PPP2CA: variants seen among roughly 807,000 people sequenced by gnomAD.
PPP2CA encodes the protein serine/threonine-protein phosphatase 2A catalytic subunit alpha isoform.
PPP2CA carries 5 observed loss-of-function variants against 38.8 expected under a neutral mutation model. The observed-to-expected ratio is 0.13, with a 90% CI of 0.07 to 0.27. The LOEUF is 0.27. PPP2CA is among the 10% of genes least tolerant of loss of function. The probability of loss-of-function intolerance (pLI) is 1.00; values close to 1 mark genes in which losing one functional copy is unlikely to be tolerated. For synonymous variants in PPP2CA, 152 were observed against 134.0 expected, an observed-to-expected ratio of 1.13 and a Z score of -0.93; for missense variants, 88 against 389.7, an observed-to-expected ratio of 0.23 and a Z score of 6.52.
At chr5:134,211,038 G>A (rs976900086) in intron 1 of PPP2CA, among the ~76,000 whole-genome samples, 2 of 151,984 alleles carry the variant, frequency 1.3e-5, no homozygotes, top group African/African-American at 4.8e-5. Context: ...TACTGTCCTA[G>A]AATCCAAAAA....
intron 1 of PPP2CA, among the ~76,000 whole-genome samples, chr5:134,223,366 A>G (rs1762488569): frequency 6.6e-6 from 1 of 152,234 alleles, no homozygotes; most frequent in South Asian, 2.1e-4. Context: ...ACATCAGTTC[A>G]TGGATTCTAC....
At chr5:134,206,207 T>A in intron 1 of PPP2CA, 76 bp from the exon 2 acceptor site, 1 of 1,274,214 alleles carries the variant, frequency 7.8e-7, no homozygotes, top group Non-Finnish European at 1.1e-6. Context: ...TACTTACACT[T>A]AATGTAGCTT....
chr5:134,206,176 C>T (rs780786155), intron 1 of PPP2CA, 45 bp from the exon 2 acceptor site: 6 of 1,499,624 alleles, frequency 4.0e-6, no homozygotes, highest in African/African-American at 2.8e-5. Flanking sequence ...TGGCATTAAA[C>T]AATATTAACA....
intron 1 of PPP2CA, among the ~76,000 whole-genome samples, chr5:134,221,888 A>AGTTCC (rs977762209): frequency 1.3e-5 from 2 of 151,460 alleles, no homozygotes; most frequent in Non-Finnish European, 2.9e-5. Flanking sequence ...GAACTGCTTG[A>AGTTCC]ACCTGGGAGG....
intron 1 of PPP2CA, among the ~76,000 whole-genome samples, chr5:134,212,593 T>A (rs1438537787): frequency 6.6e-6 from 1 of 151,426 alleles, no homozygotes; most frequent in Non-Finnish European, 1.5e-5. Context: ...AAAGGAAGAG[T>A]TGCATATCTC....
rs541849090 is a variant in PPP2CA at position 134,194,520 on chromosome 5, C to T, written c.*3252G>A. The T allele has an allele frequency of 6.6e-6, 1 of 152,402 alleles. No individual in the cohort carries two copies. The highest frequency in any genetic ancestry group is 6.5e-5 in the Admixed American group (1 of 15,300). The allele number at this position is 152,402 out of a possible 1,614,324, so 9.4% of individuals were successfully genotyped here. A position where few individuals can be genotyped will look rare whatever the true frequency, so the allele number is the denominator to read the frequency against. Reference sequence around the variant, plus strand: ...AAAAGTCACCACTGAAACAGAGAGTCGCACGGTACATTTTAATTCCTTATC... The same window carrying T: ...AAAAGTCACCACTGAAACAGAGAGTTGCACGGTACATTTTAATTCCTTATC... On this transcript the variant is annotated 3_prime_UTR_variant, in exon 7 of 7. Transcript: ENST00000481195.
In PPP2CA at chr5:134,225,537, A is replaced by G. The variant is rs530123198; in HGVS notation, c.102+223T>C. On this transcript the variant is annotated intron_variant, in intron 1 of 6. Coordinates refer to ENST00000481195, the MANE Select transcript of PPP2CA (RefSeq NM_002715.4). ...GGCTGACTCAAAAGCCCAGGAGTCG[A>G]GTGAACGGCGCCATTTTAGGCGGCG... 13 of 485,026 alleles carry G rather than the reference A, an allele frequency of 2.7e-5. No homozygotes were observed. In the South Asian group the frequency reaches 3.4e-4, roughly 13 times the overall value. The allele number at this position is 485,026 out of a possible 1,614,324, so 30.0% of individuals were successfully genotyped here. A position where few individuals can be genotyped will look rare whatever the true frequency, so the allele number is the denominator to read the frequency against.
intron 1 of PPP2CA, among the ~76,000 whole-genome samples, chr5:134,222,908 A>C (rs1451679889): frequency 6.6e-6 from 1 of 152,212 alleles, no homozygotes; most frequent in Non-Finnish European, 1.5e-5. Flanking sequence ...AGTAACATAA[A>C]AACCATGTTC....
chr5:134,200,515 T>C lies in PPP2CA; in HGVS notation c.577-19A>G. 6.2e-7 allele frequency: 1 copy of C among 1,607,786 alleles called. No individual in the cohort carries two copies. The highest frequency in any genetic ancestry group is 8.5e-7 in the Non-Finnish European group (1 of 1,177,196). On this transcript the variant is annotated intron_variant, in intron 4 of 6. Coordinates refer to ENST00000481195, the MANE Select transcript of PPP2CA (RefSeq NM_002715.4). ...TTGGACCCTAAAAAATAACTTCAAG[T>C]TATAAAATGCCTTTTACAAACATGG...
At chr5:134,212,061 G>A (rs190813551) in intron 1 of PPP2CA, among the ~76,000 whole-genome samples, 1 of 152,184 alleles carries the variant, frequency 6.6e-6, no homozygotes, top group Non-Finnish European at 1.5e-5. Flanking sequence ...CGAGGTTGCA[G>A]TGAGCGGAGA....
At chr5:134,207,826 G>T (rs929844213) in intron 1 of PPP2CA, among the ~76,000 whole-genome samples, 1 of 152,118 alleles carries the variant, frequency 6.6e-6, no homozygotes, top group Non-Finnish European at 1.5e-5. Flanking sequence ...TGAATTACAG[G>T]CGTTAGCCAC....
At chr5:134,214,849 G>C (rs578185611) in intron 1 of PPP2CA, among the ~76,000 whole-genome samples, 1 of 151,938 alleles carries the variant, frequency 6.6e-6, no homozygotes, top group African/African-American at 2.4e-5. Flanking sequence ...CAATTATTAA[G>C]AAAAGTTATC....
At position 134,197,668 on chromosome 5, in the gene PPP2CA, T is replaced by C. The variant is rs74863466; in HGVS notation, c.*104A>G. 1.1e-6 allele frequency: 1 copy of C among 949,572 alleles called. No individual in the cohort carries two copies. The highest frequency in any genetic ancestry group is 2.2e-5 in the Admixed American group (1 of 45,520). 58.8% of individuals were successfully genotyped at this position (949,572 alleles called of 1,614,324 possible). A position where few individuals can be genotyped will look rare whatever the true frequency, so the allele number is the denominator to read the frequency against. On this transcript the variant is annotated 3_prime_UTR_variant, in exon 7 of 7. Transcript: ENST00000481195. Reference sequence around the variant, plus strand: ...TTGGTCCATGTGAAAACAAGTTTTTTGAATGTTAACTATTTTCTGACACTT... The same window carrying C: ...TTGGTCCATGTGAAAACAAGTTTTTCGAATGTTAACTATTTTCTGACACTT...
At chr5:134,205,742 C>T in intron 2 of PPP2CA, 180 bp downstream of exon 2, 1 of 566,356 alleles carries the variant, frequency 1.8e-6, no homozygotes, top group Non-Finnish European at 3.1e-6. Context: ...TGATTCTGTA[C>T]CATCCCCTTA....
chr5:134,221,258 T>C lies in PPP2CA; in HGVS notation c.102+4502A>G, dbSNP rs192807888. Among the ~76,000 whole-genome samples the C allele has an allele frequency of 8.1e-3, 1,240 of 152,270 alleles. 18 individuals are homozygous for C. Among genetic ancestry groups the C allele is most frequent in the African/African-American group, 0.028 (1,144 of 41,546 alleles). On this transcript the variant is annotated intron_variant, in intron 1 of 6. Transcript: ENST00000481195. Reference sequence around the variant, plus strand: ...TCCCCAGTAGCTGAGACTACAGGTGTGTGCCACCACGCCCGGCTAATTTTT... The same window carrying C: ...TCCCCAGTAGCTGAGACTACAGGTGCGTGCCACCACGCCCGGCTAATTTTT...
chr5:134,215,786 T>A (rs1349421187), intron 1 of PPP2CA, among the ~76,000 whole-genome samples: 1 of 152,110 alleles, frequency 6.6e-6, no homozygotes, highest in Non-Finnish European at 1.5e-5. Flanking sequence ...ATACAGTAAC[T>A]CCTAAGCAGA....
intron 3 of PPP2CA, among the ~76,000 whole-genome samples, chr5:134,201,371 T>C (rs1038378919): frequency 2.0e-5 from 3 of 152,244 alleles, no homozygotes; most frequent in Admixed American, 6.5e-5. Flanking sequence ...CTCTGAACTA[T>C]TGAGTACACT....
chr5:134,217,854 G>C (rs1463691080), intron 1 of PPP2CA, among the ~76,000 whole-genome samples: 1 of 152,164 alleles, frequency 6.6e-6, no homozygotes, highest in Non-Finnish European at 1.5e-5. Context: ...AGATAGTATA[G>C]ACTACTACAA....
At chr5:134,198,266 G>A (rs1761896719) in intron 6 of PPP2CA, among the ~76,000 whole-genome samples, 1 of 151,904 alleles carries the variant, frequency 6.6e-6, no homozygotes, top group African/African-American at 2.4e-5. Flanking sequence ...GGTGGCAGAC[G>A]CCTGTAATCC....
Sources: allele counts gnomAD v4.1 joint callset (sites outside exome capture counted in the v4.1 genomes callset), GRCh38; gene constraint gnomAD v4.1.1; transcripts MANE v1.5; gene names NCBI Gene and HGNC (gene_info 2026-07-23, HGNC 2026-07-21).